PPARGC1A: variants seen among roughly 807,000 people sequenced by gnomAD.
PPARGC1A encodes the protein PPARG coactivator 1 alpha, also known as peroxisome proliferator-activated receptor gamma coactivator 1-alpha.
A neutral mutation model predicts 88.7 loss-of-function variants in PPARGC1A; 25 were observed. The ratio of observed to expected loss-of-function variants is 0.28; its 90% CI spans 0.21 to 0.39. PPARGC1A has a LOEUF of 0.39. Ranked by LOEUF, PPARGC1A falls within the 10% of genes least tolerant of loss-of-function variation. The pLI is 1.00. For synonymous variants in PPARGC1A, 363 were observed against 355.6 expected, an observed-to-expected ratio of 1.02 and a Z score of -0.24; for missense variants, 880 against 968.7, an observed-to-expected ratio of 0.91 and a Z score of 1.22.
the PPARGC1A span, among the ~76,000 whole-genome samples, chr4:24,283,448 G>A: frequency 6.6e-6 from 1 of 152,184 alleles, no homozygotes; most frequent in African/African-American, 2.4e-5. Flanking sequence ...ACTTGAAAGA[G>A]GGAACAAACG....
chr4:24,340,358 C>T, the PPARGC1A span, among the ~76,000 whole-genome samples: 1 of 152,146 alleles, frequency 6.6e-6, no homozygotes, highest in South Asian at 2.1e-4. Context: ...ACTTAAACGG[C>T]TTATTGAAAA....
At chr4:23,805,484 C>A (rs1719629608) in intron 10 of PPARGC1A, among the ~76,000 whole-genome samples, 1 of 152,274 alleles carries the variant, frequency 6.6e-6, no homozygotes, top group Non-Finnish European at 1.5e-5. Context: ...TGACGCCCTT[C>A]CATGTAGATT....
chr4:24,028,285 C>T, the PPARGC1A span, among the ~76,000 whole-genome samples: 1 of 152,072 alleles, frequency 6.6e-6, no homozygotes, highest in African/African-American at 2.4e-5. Flanking sequence ...AAACTGACAA[C>T]ATTTTCTGAA....
At chr4:24,390,315 T>C in the PPARGC1A span, among the ~76,000 whole-genome samples, 1 of 152,072 alleles carries the variant, frequency 6.6e-6, no homozygotes, top group South Asian at 2.1e-4. Flanking sequence ...GTAGAATTTG[T>C]AGCAATTTAT....
the PPARGC1A span, among the ~76,000 whole-genome samples, chr4:24,113,525 G>A: frequency 3.9e-5 from 6 of 152,252 alleles, no homozygotes; most frequent in African/African-American, 1.2e-4. Flanking sequence ...ATCTTAGTGA[G>A]TAGGGATCCC....
At chr4:24,328,188 T>C in the PPARGC1A span, among the ~76,000 whole-genome samples, 1 of 151,800 alleles carries the variant, frequency 6.6e-6, no homozygotes, top group African/African-American at 2.4e-5. Context: ...TATTTGGTGG[T>C]CTCTTCACAC....
At chr4:24,216,149 T>C in the PPARGC1A span, among the ~76,000 whole-genome samples, 1 of 144,104 alleles carries the variant, frequency 6.9e-6, no homozygotes, top group Admixed American at 6.9e-5. Flanking sequence ...ACTCTTTTTT[T>C]TTTTTTTTTT....
the PPARGC1A span, among the ~76,000 whole-genome samples, chr4:24,074,198 C>T: frequency 2.0e-5 from 3 of 152,128 alleles, no homozygotes; most frequent in East Asian, 1.9e-4. Flanking sequence ...GCCAGAAAGA[C>T]GAGAGAAGAT....
chr4:24,419,744 T>C, the PPARGC1A span, among the ~76,000 whole-genome samples: 1 of 152,016 alleles, frequency 6.6e-6, no homozygotes, highest in Non-Finnish European at 1.5e-5. Flanking sequence ...GAATTAGGAA[T>C]CATCAGGGTT....
chr4:23,922,329 C>A, the PPARGC1A span, among the ~76,000 whole-genome samples: 4 of 152,224 alleles, frequency 2.6e-5, no homozygotes, highest in African/African-American at 9.6e-5. Context: ...ATCTCCAAGA[C>A]AACTTCACTT....
chr4:24,271,937 C>T, the PPARGC1A span, among the ~76,000 whole-genome samples: 1 of 152,084 alleles, frequency 6.6e-6, no homozygotes, highest in Non-Finnish European at 1.5e-5. Context: ...TATACTAACA[C>T]TCAGATCATT....
At chr4:24,196,035 A>G in the PPARGC1A span, among the ~76,000 whole-genome samples, 5 of 152,324 alleles carry the variant, frequency 3.3e-5, no homozygotes, top group South Asian at 4.1e-4. Flanking sequence ...GTTTCTCTCT[A>G]TTTCATCTCA....
At chr4:24,264,675 C>T in the PPARGC1A span, among the ~76,000 whole-genome samples, 2 of 152,216 alleles carry the variant, frequency 1.3e-5, no homozygotes, top group African/African-American at 4.8e-5. Flanking sequence ...CAGCACAGTG[C>T]CTGCTACTAA....
At chr4:24,018,303 T>C in the PPARGC1A span, among the ~76,000 whole-genome samples, 1 of 152,220 alleles carries the variant, frequency 6.6e-6, no homozygotes, top group Non-Finnish European at 1.5e-5. Flanking sequence ...TTTTCTTTTT[T>C]CTTTTTTAAC....
chr4:23,952,546 A>G, the PPARGC1A span, among the ~76,000 whole-genome samples: 1 of 152,088 alleles, frequency 6.6e-6, no homozygotes. Flanking sequence ...CTCATAGGCT[A>G]AGGTAATGAA....
chr4:24,348,858 G>A, the PPARGC1A span, among the ~76,000 whole-genome samples: 2 of 152,116 alleles, frequency 1.3e-5, no homozygotes, highest in South Asian at 2.1e-4. Context: ...GTGATTTTTG[G>A]GGGGTGCTGA....
At chr4:24,317,580 A>AC in the PPARGC1A span, among the ~76,000 whole-genome samples, 1 of 142,998 alleles carries the variant, frequency 7.0e-6, no homozygotes, top group Non-Finnish European at 1.5e-5. Context: ...AAAAAAAAAA[A>AC]AAAAAAAAAA....
chr4:23,819,901 G>A (rs943244062), intron 7 of PPARGC1A, among the ~76,000 whole-genome samples: 9 of 151,968 alleles, frequency 5.9e-5, no homozygotes, highest in Non-Finnish European at 8.8e-5. Context: ...TAAAACTACC[G>A]ACAACTACCC....
At chr4:24,328,930 C>T in the PPARGC1A span, among the ~76,000 whole-genome samples, 1 of 152,210 alleles carries the variant, frequency 6.6e-6, no homozygotes, top group Non-Finnish European at 1.5e-5. Context: ...AAACACACTG[C>T]CTCGGACTGG....
Sources: gnomAD v4.1 joint callset for allele counts (sites outside exome capture counted in the v4.1 genomes callset) on GRCh38, gnomAD v4.1.1 for gene constraint, MANE v1.5 for transcripts, NCBI Gene and HGNC (gene_info 2026-07-23, HGNC 2026-07-21) for gene names.